Variants in POU2F1 observed in about 807,000 individuals in gnomAD.
POU2F1 encodes the protein POU domain, class 2, transcription factor 1.
POU2F1 carries 16 observed loss-of-function variants against 84.9 expected under a neutral mutation model. The observed-to-expected ratio is 0.19, with a 90% confidence interval of 0.13 to 0.29. The LOEUF (loss-of-function observed/expected upper bound fraction) is 0.29. Among genes scored for constraint, POU2F1 ranks in the 10% least tolerant of loss-of-function variants. The probability of loss-of-function intolerance (pLI) is 1.00; values close to 1 mark genes in which losing one functional copy is unlikely to be tolerated. For synonymous variants in POU2F1, 368 were observed against 368.3 expected, an observed-to-expected ratio of 1.00 and a Z score of 0.01; for missense variants, 738 against 942.6, an observed-to-expected ratio of 0.78 and a Z score of 2.84.
At chr1:167,234,006 C>T (rs748068130) in intron 1 of POU2F1, among the ~76,000 whole-genome samples, 2 of 152,074 alleles carry the variant, frequency 1.3e-5, no homozygotes, top group Non-Finnish European at 2.9e-5. Context: ...GTTAGGAAAC[C>T]GAGGCTTAAA....
intron 1 of POU2F1, among the ~76,000 whole-genome samples, chr1:167,327,088 T>C (rs1345722806): frequency 6.6e-6 from 1 of 152,144 alleles, no homozygotes; most frequent in East Asian, 1.9e-4. Flanking sequence ...AAAAACTCAT[T>C]TGAAATTTGT....
At chr1:167,273,179 C>T (rs1005947888) in intron 1 of POU2F1, among the ~76,000 whole-genome samples, 1 of 152,210 alleles carries the variant, frequency 6.6e-6, no homozygotes, top group Admixed American at 6.5e-5. Context: ...GGGGTGGTCT[C>T]CCAGGTCCTG....
chr1:167,344,613 A>G (rs1658068567), intron 2 of POU2F1, among the ~76,000 whole-genome samples: 1 of 152,168 alleles, frequency 6.6e-6, no homozygotes, highest in Admixed American at 6.5e-5. Context: ...TTTTCATGTT[A>G]GAGTTTTTCT....
chr1:167,237,783 T>A (rs1214261325), intron 1 of POU2F1, among the ~76,000 whole-genome samples: 201 of 122,186 alleles, frequency 1.6e-3, no homozygotes, highest in Non-Finnish European at 2.6e-3. Flanking sequence ...TTTTTTTTTT[T>A]TTTTTTTTTT....
At chr1:167,238,256 A>C (rs1055941326) in intron 1 of POU2F1, among the ~76,000 whole-genome samples, 17 of 152,264 alleles carry the variant, frequency 1.1e-4, no homozygotes, top group African/African-American at 3.6e-4. Context: ...TATGGCAAGA[A>C]ATGCAAAATA....
intron 10 of POU2F1, 98 bp downstream of exon 10, chr1:167,396,525 T>A (rs1648818858): frequency 1.5e-6 from 2 of 1,290,510 alleles, no homozygotes; most frequent in Non-Finnish European, 2.1e-6. Flanking sequence ...CTATTTTTGT[T>A]GTTACAGAAC....
intron 1 of POU2F1, among the ~76,000 whole-genome samples, chr1:167,236,737 A>C (rs77116437): frequency 0.013 from 1,938 of 152,268 alleles, 40 homozygotes; most frequent in African/African-American, 0.045. Flanking sequence ...ATGGTTGCAG[A>C]GTCTGGGCAG....
At chr1:167,328,494 G>C (rs1656857010) in intron 1 of POU2F1, among the ~76,000 whole-genome samples, 1 of 152,160 alleles carries the variant, frequency 6.6e-6, no homozygotes, top group African/African-American at 2.4e-5. Context: ...GGATTGTGTA[G>C]AAAGCTTTTT....
At chr1:167,271,691 G>A (rs964809566) in intron 1 of POU2F1, among the ~76,000 whole-genome samples, 3 of 152,126 alleles carry the variant, frequency 2.0e-5, no homozygotes, top group Admixed American at 6.6e-5. Flanking sequence ...TCTGTGGAAG[G>A]CTTAGAACTG....
chr1:167,316,360 A>G (rs1348201658), intron 1 of POU2F1, among the ~76,000 whole-genome samples: 1 of 152,238 alleles, frequency 6.6e-6, no homozygotes, highest in Non-Finnish European at 1.5e-5. Flanking sequence ...AAAACAAAAG[A>G]GAGGGATATC....
chr1:167,320,928 A>G (rs1012109891), intron 1 of POU2F1, among the ~76,000 whole-genome samples: 4 of 152,212 alleles, frequency 2.6e-5, no homozygotes, highest in African/African-American at 7.2e-5. Context: ...GTCATGTCCA[A>G]TTAATGTCCC....
chr1:167,346,852 A>G (rs1658236510), intron 2 of POU2F1, among the ~76,000 whole-genome samples: 2 of 152,210 alleles, frequency 1.3e-5, no homozygotes, highest in African/African-American at 4.8e-5. Flanking sequence ...GTGGCTTAGA[A>G]TCTTTCTGTG....
intron 1 of POU2F1, among the ~76,000 whole-genome samples, chr1:167,280,420 A>G (rs1441082333): frequency 6.6e-6 from 1 of 151,232 alleles, no homozygotes; most frequent in Admixed American, 6.6e-5. Flanking sequence ...GAGAATGTGG[A>G]AAAATAACTC....
At chr1:167,254,020 G>A (rs1650944777) in intron 1 of POU2F1, among the ~76,000 whole-genome samples, 1 of 152,012 alleles carries the variant, frequency 6.6e-6, no homozygotes, top group Non-Finnish European at 1.5e-5. Flanking sequence ...AGCTCTTTTG[G>A]CTGGGTTGGG....
At chr1:167,257,903 T>C (rs1252868881) in intron 1 of POU2F1, 1 of 152,056 alleles carries the variant, frequency 6.6e-6, no homozygotes, top group African/African-American at 2.4e-5. Flanking sequence ...GCCTCCTGAG[T>C]AGCTGGGACT....
intron 1 of POU2F1, among the ~76,000 whole-genome samples, chr1:167,279,157 C>G (rs1652944521): frequency 6.6e-6 from 1 of 152,130 alleles, no homozygotes; most frequent in Non-Finnish European, 1.5e-5. Context: ...GTAGAATATG[C>G]AGAATCATGG....
intron 1 of POU2F1, among the ~76,000 whole-genome samples, chr1:167,304,864 C>T (rs987908130): frequency 6.6e-6 from 1 of 151,972 alleles, no homozygotes; most frequent in African/African-American, 2.4e-5. Context: ...ATTTTAAAAA[C>T]GCTTTTCAAA....
intron 2 of POU2F1, among the ~76,000 whole-genome samples, chr1:167,336,483 G>C (rs890191755): frequency 1.3e-5 from 2 of 152,094 alleles, no homozygotes; most frequent in African/African-American, 4.8e-5. Flanking sequence ...CCTATACGAA[G>C]TACCACTGGT....
chr1:167,236,348 G>A (rs544373525), intron 1 of POU2F1, among the ~76,000 whole-genome samples: 3 of 151,948 alleles, frequency 2.0e-5, no homozygotes, highest in African/African-American at 7.3e-5. Flanking sequence ...TGATCCACCT[G>A]CCTTGGCCTC....
Sources: allele counts gnomAD v4.1 joint callset (sites outside exome capture counted in the v4.1 genomes callset), GRCh38; gene constraint gnomAD v4.1.1; transcripts MANE v1.5; gene names NCBI Gene and HGNC (gene_info 2026-07-23, HGNC 2026-07-21).